BMPR1A: variants seen among roughly 807,000 people sequenced by gnomAD.
BMPR1A encodes the protein bone morphogenetic protein receptor type 1A, also known as bone morphogenetic protein receptor type-1A.
BMPR1A carries 7 observed loss-of-function variants against 66.0 expected under a neutral mutation model. The observed-to-expected ratio is 0.11, with a 90% confidence interval of 0.06 to 0.20. The LOEUF is 0.20. Ranked by LOEUF, BMPR1A falls within the 10% of genes least tolerant of loss-of-function variation. BMPR1A has a pLI of 1.00. For synonymous variants in BMPR1A, 200 were observed against 229.7 expected (o/e 0.87, Z 1.17); for missense variants, 408 against 669.1 (o/e 0.61, Z 4.31).
At chr10:86,834,849 A>T (rs1842318976) in intron 1 of BMPR1A, among the ~76,000 whole-genome samples, 1 of 151,962 alleles carries the variant, frequency 6.6e-6, no homozygotes, top group African/African-American at 2.4e-5. Context: ...TAAAATATAG[A>T]TTGTTTTGTA....
intron 1 of BMPR1A, among the ~76,000 whole-genome samples, chr10:86,812,813 C>T (rs536459350): frequency 3.3e-5 from 5 of 152,236 alleles, no homozygotes; most frequent in African/African-American, 4.8e-5. Context: ...GTCCTTATTA[C>T]GCAAAGTCTT....
At chr10:86,905,286 C>T (rs554978011) in intron 7 of BMPR1A, among the ~76,000 whole-genome samples, 4 of 152,328 alleles carry the variant, frequency 2.6e-5, no homozygotes, top group South Asian at 4.1e-4. Context: ...ACGCCAGTTC[C>T]TGGTTGTTTC....
chr10:86,837,208 T>A (rs913717277), intron 1 of BMPR1A, among the ~76,000 whole-genome samples: 44 of 140,972 alleles, frequency 3.1e-4, no homozygotes, highest in African/African-American at 1.0e-3. Flanking sequence ...ACATTGGAAA[T>A]ATCTGGCAGA....
intron 1 of BMPR1A, among the ~76,000 whole-genome samples, chr10:86,766,936 G>C (rs1198257353): frequency 6.6e-6 from 1 of 151,212 alleles, no homozygotes; most frequent in African/African-American, 2.4e-5. Flanking sequence ...TGATTCTCCT[G>C]ACTCAGCCTC....
At chr10:86,836,624 C>T (rs963091900) in intron 1 of BMPR1A, among the ~76,000 whole-genome samples, 1 of 152,026 alleles carries the variant, frequency 6.6e-6, no homozygotes, top group Non-Finnish European at 1.5e-5. Context: ...ATGACGAGAC[C>T]CTGTCTCTAC....
intron 2 of BMPR1A, chr10:86,855,121 C>A (rs1234796152): frequency 6.5e-6 from 2 of 307,636 alleles, no homozygotes; most frequent in African/African-American, 2.2e-5. Flanking sequence ...TTAGTAGAGA[C>A]AGGGTTTCAC....
intron 1 of BMPR1A, among the ~76,000 whole-genome samples, chr10:86,766,423 C>G (rs1356022616): frequency 6.6e-6 from 1 of 152,020 alleles, no homozygotes; most frequent in East Asian, 1.9e-4. Context: ...TGCAAATATG[C>G]TGTGGTGTTT....
intron 1 of BMPR1A, among the ~76,000 whole-genome samples, chr10:86,757,577 A>T (rs551291948): frequency 6.6e-6 from 1 of 152,352 alleles, no homozygotes; most frequent in South Asian, 2.1e-4. Context: ...GGGAAGAAAA[A>T]TAATATGCTG....
Position 86,876,068 on chromosome 10 carries a change from T to A in BMPR1A, c.50T>A (p.Ile17Asn). The change falls in exon 3 of 13, where the codon ATC becomes AAC. Residue 17 changes from isoleucine (I) to asparagine (N), a missense_variant. Coordinates refer to ENST00000372037, the MANE Select transcript of BMPR1A (RefSeq NM_004329.3). ...YIRLLGAYLF[I>N]ISRVQGQNLD... ...AGATTATTGGGAGCCTATTTGTTCA[T>A]CATTTCTCGTGTTCAAGGTAAATCA... is the stretch of plus-strand genomic sequence containing the variant. The A allele has an allele frequency of 6.2e-7, 1 of 1,611,378 alleles. No homozygotes were observed.
chr10:86,800,478 G>A (rs1841796887), intron 1 of BMPR1A, among the ~76,000 whole-genome samples: 4 of 152,072 alleles, frequency 2.6e-5, no homozygotes, highest in Admixed American at 1.3e-4. Flanking sequence ...CGCAACCTCC[G>A]CCTCCCAGGT....
At chr10:86,837,237 G>GTGTGTGTC (rs1842362529) in intron 1 of BMPR1A, among the ~76,000 whole-genome samples, 2 of 107,768 alleles carry the variant, frequency 1.9e-5, no homozygotes, top group African/African-American at 7.7e-5. Context: ...CAGGCTGTGT[G>GTGTGTGTC]TGTGTGTGTC....
intron 1 of BMPR1A, among the ~76,000 whole-genome samples, chr10:86,830,571 A>G (rs1430728002): frequency 6.6e-6 from 1 of 152,114 alleles, no homozygotes; most frequent in African/African-American, 2.4e-5. Context: ...CGTTTCCCTG[A>G]TGTCTAGTAA....
chr10:86,863,068 C>T (rs1174965840), intron 2 of BMPR1A, among the ~76,000 whole-genome samples: 1 of 151,976 alleles, frequency 6.6e-6, no homozygotes, highest in Non-Finnish European at 1.5e-5. Context: ...CAACCTCTAC[C>T]TCCCAGGTTC....
chr10:86,783,801 C>T (rs1361383096), intron 1 of BMPR1A, among the ~76,000 whole-genome samples: 1 of 152,154 alleles, frequency 6.6e-6, no homozygotes, highest in Non-Finnish European at 1.5e-5. Flanking sequence ...CTTGCCCAAG[C>T]TGGTCTCGAA....
At chr10:86,762,792 G>C (rs1841089951) in intron 1 of BMPR1A, among the ~76,000 whole-genome samples, 1 of 152,228 alleles carries the variant, frequency 6.6e-6, no homozygotes, top group African/African-American at 2.4e-5. Context: ...AAGCTGGGCT[G>C]TTCAGGATGC....
At chr10:86,869,993 TAAATACTG>T (rs1236260211) in intron 2 of BMPR1A, among the ~76,000 whole-genome samples, 1 of 152,110 alleles carries the variant, frequency 6.6e-6, no homozygotes, top group African/African-American at 2.4e-5. Flanking sequence ...ACACAGCAAA[TAAATACTG>T]GAGCTGATTT....
intron 5 of BMPR1A, among the ~76,000 whole-genome samples, chr10:86,892,588 C>G (rs1843168429): frequency 6.6e-6 from 1 of 152,140 alleles, no homozygotes; most frequent in Non-Finnish European, 1.5e-5. Flanking sequence ...GCCACTATAC[C>G]TGGCTAATTT....
At chr10:86,781,727 C>G (rs1461453970) in intron 1 of BMPR1A, among the ~76,000 whole-genome samples, 1 of 151,910 alleles carries the variant, frequency 6.6e-6, no homozygotes, top group East Asian at 1.9e-4. Flanking sequence ...CTTTCTGTCT[C>G]TATGAGTTTG....
chr10:86,822,079 C>T (rs1279580631), intron 1 of BMPR1A, among the ~76,000 whole-genome samples: 6 of 152,166 alleles, frequency 3.9e-5, no homozygotes, highest in Admixed American at 1.3e-4. Flanking sequence ...CCACCCACCT[C>T]GGCCTCCCAA....
Sources: gnomAD v4.1 joint callset for allele counts (sites outside exome capture counted in the v4.1 genomes callset) on GRCh38, gnomAD v4.1.1 for gene constraint, MANE v1.5 for transcripts, NCBI Gene and HGNC (gene_info 2026-07-23, HGNC 2026-07-21) for gene names.